Variants in DOK6 observed in about 807,000 individuals in gnomAD.
The protein encoded by DOK6 is downstream of tyrosine kinase 6.
In DOK6, 22 loss-of-function variants were observed where a neutral mutation model predicts 44.0. The ratio of observed to expected loss-of-function variants is 0.50; its 90% confidence interval spans 0.36 to 0.71. The LOEUF (loss-of-function observed/expected upper bound fraction) is 0.71. Ranked by LOEUF, DOK6 falls within the 30% of genes least tolerant of loss-of-function variation. The probability of loss-of-function intolerance (pLI) is 0.00; values close to 1 mark genes in which losing one functional copy is unlikely to be tolerated. For synonymous variants in DOK6, 166 were observed against 145.5 expected, an observed-to-expected ratio of 1.14 and a Z score of -1.01; for missense variants, 340 against 416.4, an observed-to-expected ratio of 0.82 and a Z score of 1.60.
Position 69,548,265 on chromosome 18 carries a change from T to A in DOK6, c.67-16222T>A, listed in dbSNP as rs2364885. Among the ~76,000 whole-genome samples the A allele has an allele frequency of 9.1e-3, 1,378 of 150,952 alleles. 28 individuals are homozygous for A. The highest frequency in any genetic ancestry group is 0.031 in the African/African-American group (1,289 of 41,376). On this transcript the variant is annotated intron_variant, in intron 1 of 7. Transcript: ENST00000382713. ...ACCGCGCCTGCCCTCATATATATAT[T>A]TTTTTAATCCAGTTGTCCATTGACG...
intron 1 of DOK6, among the ~76,000 whole-genome samples, chr18:69,559,270 G>C (rs1258820279): frequency 6.6e-6 from 1 of 152,060 alleles, no homozygotes; most frequent in East Asian, 1.9e-4. Flanking sequence ...CAGTCAGCAA[G>C]TATGTGTATT....
chr18:69,663,038 A>G (rs1431311811), intron 3 of DOK6: 1 of 152,216 alleles, frequency 6.6e-6, no homozygotes, highest in African/African-American at 2.4e-5. Flanking sequence ...CTTAAAACAT[A>G]CTGCAGTTAT....
At chr18:69,829,966 C>A (rs1981855665) in intron 7 of DOK6, among the ~76,000 whole-genome samples, 4 of 151,922 alleles carry the variant, frequency 2.6e-5, no homozygotes. Context: ...CATATAACAG[C>A]CATTAAATTA....
chr18:69,548,295 C>G (rs1982466099), intron 1 of DOK6, among the ~76,000 whole-genome samples: 1 of 151,420 alleles, frequency 6.6e-6, no homozygotes, highest in Non-Finnish European at 1.5e-5. Flanking sequence ...TTGACGGACA[C>G]TTAGGTTGAT....
chr18:69,744,084 G>GC (rs1978894855), intron 6 of DOK6, among the ~76,000 whole-genome samples: 1 of 152,154 alleles, frequency 6.6e-6, no homozygotes, highest in Non-Finnish European at 1.5e-5. Context: ...GCCAAGGCAG[G>GC]TGGATCACCT....
intron 7 of DOK6, among the ~76,000 whole-genome samples, chr18:69,783,684 A>T (rs928802482): frequency 6.6e-6 from 1 of 152,132 alleles, no homozygotes; most frequent in African/African-American, 2.4e-5. Flanking sequence ...TATAATTAAA[A>T]ACATCCAAAT....
At chr18:69,829,923 G>T (rs1981854124) in intron 7 of DOK6, among the ~76,000 whole-genome samples, 1 of 152,092 alleles carries the variant, frequency 6.6e-6, no homozygotes, top group South Asian at 2.1e-4. Flanking sequence ...TTAGTGCAAT[G>T]CAATTTGACA....
In DOK6 at chr18:69,699,855, G is replaced by T. The variant is rs145051211; in HGVS notation, c.599+1262G>T. On this transcript the variant is annotated intron_variant, in intron 5 of 7. Coordinates refer to ENST00000382713, the MANE Select transcript of DOK6 (RefSeq NM_152721.6). ...GTAGTATATTAATCCATTTTCACACGCTGATAAAGACATACCCAAGACTGG... is the reference window on the plus strand; with the variant it reads ...GTAGTATATTAATCCATTTTCACACTCTGATAAAGACATACCCAAGACTGG... Among the ~76,000 whole-genome samples the T allele has an allele frequency of 2.9e-3, 442 of 151,936 alleles. 4 individuals carry two copies. Among genetic ancestry groups the T allele is most frequent in the Non-Finnish European group, 4.6e-3 (312 of 67,970 alleles).
In DOK6 at chr18:69,698,634, A is replaced by G. The variant is rs373574910; in HGVS notation, c.599+41A>G. On this transcript the variant is annotated intron_variant, in intron 5 of 7. Coordinates refer to ENST00000382713, the MANE Select transcript of DOK6 (RefSeq NM_152721.6). Reference sequence around the variant, plus strand: ...GCAGCCAAGTGCAGGAGTTGTCTGTATAACAGAGTCTGTATAACAGAGTCC... The same window carrying G: ...GCAGCCAAGTGCAGGAGTTGTCTGTGTAACAGAGTCTGTATAACAGAGTCC... 6.6e-4 allele frequency: 1,045 copies of G among 1,590,376 alleles called. 9 individuals are homozygous for G. In the South Asian group the frequency reaches 8.3e-3, roughly 13 times the overall value.
At chr18:69,788,817 G>A (rs1980508109) in intron 7 of DOK6, among the ~76,000 whole-genome samples, 1 of 152,124 alleles carries the variant, frequency 6.6e-6, no homozygotes, top group African/African-American at 2.4e-5. Flanking sequence ...TAAATTAGGA[G>A]CACAAAAAAT....
intron 3 of DOK6, among the ~76,000 whole-genome samples, chr18:69,646,741 G>T (rs537201867): frequency 3.9e-5 from 6 of 152,026 alleles, no homozygotes; most frequent in Non-Finnish European, 8.8e-5. Context: ...TAGAGACAGG[G>T]TGTTCACGAC....
At chr18:69,408,560 G>A (rs1978293465) in intron 1 of DOK6, among the ~76,000 whole-genome samples, 1 of 152,028 alleles carries the variant, frequency 6.6e-6, no homozygotes, top group Non-Finnish European at 1.5e-5. Context: ...TATGGAAGAT[G>A]ATATTTTATT....
At chr18:69,627,513 A>G (rs886510708) in intron 3 of DOK6, among the ~76,000 whole-genome samples, 5 of 152,264 alleles carry the variant, frequency 3.3e-5, no homozygotes, top group African/African-American at 9.6e-5. Context: ...CAATGGAGCC[A>G]TCTCGGCTCA....
chr18:69,611,169 C>G (rs12326846), intron 3 of DOK6, among the ~76,000 whole-genome samples: 91,978 of 152,202 alleles, frequency 0.6, 28,508 homozygotes, highest in East Asian at 0.83. Flanking sequence ...GAAATTTTGC[C>G]TATGTGAATT....
chr18:69,520,787 CA>C (rs1981663262), intron 1 of DOK6, among the ~76,000 whole-genome samples: 1 of 151,898 alleles, frequency 6.6e-6, no homozygotes, highest in South Asian at 2.1e-4. Context: ...CCCAAGCATA[CA>C]CAACCTATAC....
intron 6 of DOK6, among the ~76,000 whole-genome samples, chr18:69,753,222 A>G (rs1052754958): frequency 3.3e-5 from 5 of 152,194 alleles, no homozygotes; most frequent in Non-Finnish European, 5.9e-5. Flanking sequence ...GTGTATTTAT[A>G]TATTGCCTAA....
chr18:69,628,124 T>C (rs947348845), intron 3 of DOK6, among the ~76,000 whole-genome samples: 1 of 152,180 alleles, frequency 6.6e-6, no homozygotes, highest in East Asian at 1.9e-4. Flanking sequence ...TTTCCCCAAA[T>C]TGTCTTCTGT....
chr18:69,466,564 G>A (rs982564458), intron 1 of DOK6, among the ~76,000 whole-genome samples: 9 of 151,800 alleles, frequency 5.9e-5, no homozygotes, highest in Non-Finnish European at 1.0e-4. Flanking sequence ...GGTAATTCTA[G>A]TCTTAATTTT....
At chr18:69,712,867 T>C (rs1986800460) in intron 5 of DOK6, among the ~76,000 whole-genome samples, 1 of 152,140 alleles carries the variant, frequency 6.6e-6, no homozygotes, top group South Asian at 2.1e-4. Context: ...AAAATGTGCA[T>C]TGGAAGCTCA....
Sources: allele counts gnomAD v4.1 joint callset (sites outside exome capture counted in the v4.1 genomes callset), GRCh38; gene constraint gnomAD v4.1.1; transcripts MANE v1.5; gene names NCBI Gene and HGNC (gene_info 2026-07-23, HGNC 2026-07-21).